Variants in ROCK1 observed in about 807,000 individuals in gnomAD.
ROCK1 encodes Rho associated coiled-coil containing protein kinase 1, also known as rho-associated protein kinase 1.
In ROCK1, 36 loss-of-function variants were observed where a neutral mutation model predicts 196.8. That is an observed-to-expected ratio of 0.18 (90% confidence interval 0.14 to 0.24). ROCK1 has a LOEUF of 0.24. Ranked by LOEUF, ROCK1 falls within the 10% of genes least tolerant of loss-of-function variation. The pLI, the probability that ROCK1 is intolerant of heterozygous loss-of-function variation, is 1.00. For missense variants in ROCK1, 920 were observed against 1,562.0 expected (o/e 0.59, Z 6.93); for synonymous variants, 443 against 515.9 (o/e 0.86, Z 1.91).
intron 16 of ROCK1, among the ~76,000 whole-genome samples, chr18:20,994,518 C>T (rs2035653785): frequency 6.6e-6 from 1 of 152,062 alleles, no homozygotes; most frequent in African/African-American, 2.4e-5. Context: ...GTCCCAGCTA[C>T]TTGGGAGACT....
chr18:21,040,660 G>A (rs1267290207), intron 8 of ROCK1, among the ~76,000 whole-genome samples: 5 of 152,086 alleles, frequency 3.3e-5, no homozygotes, highest in Non-Finnish European at 4.4e-5. Context: ...ATGGTTCTCC[G>A]GCACATGGTA....
chr18:20,951,600 T>C (rs1055482844), intron 32 of ROCK1, among the ~76,000 whole-genome samples: 3 of 152,242 alleles, frequency 2.0e-5, no homozygotes, highest in Non-Finnish European at 4.4e-5. Flanking sequence ...TAATCTCATT[T>C]CAAATCATTT....
At chr18:20,955,693 C>T (rs1432604788) in intron 29 of ROCK1, among the ~76,000 whole-genome samples, 1 of 147,448 alleles carries the variant, frequency 6.8e-6, no homozygotes, top group African/African-American at 2.5e-5. Context: ...TTCATAATAA[C>T]CAAAACCTAG....
intron 27 of ROCK1, among the ~76,000 whole-genome samples, chr18:20,962,516 T>C (rs1281959069): frequency 6.6e-6 from 1 of 152,164 alleles, no homozygotes; most frequent in African/African-American, 2.4e-5. Flanking sequence ...GTCAAAAATA[T>C]TTATGCTTTC....
intron 14 of ROCK1, 124 bp downstream of exon 14, chr18:21,007,935 G>A (rs2035782083): frequency 2.1e-6 from 1 of 467,420 alleles, no homozygotes; most frequent in Non-Finnish European, 3.4e-6. Context: ...TGAGACCTGG[G>A]TTATTTAGCT....
chr18:20,982,883 C>T (rs1234203935), intron 20 of ROCK1, 51 bp from the exon 21 acceptor site: 1 of 775,760 alleles, frequency 1.3e-6, no homozygotes, highest in African/African-American at 1.8e-5. Flanking sequence ...TTATACTAGA[C>T]TTCATTTTTT....
At chr18:21,089,663 C>T (rs1237674447) in intron 1 of ROCK1, among the ~76,000 whole-genome samples, 1 of 152,140 alleles carries the variant, frequency 6.6e-6, no homozygotes, top group East Asian at 1.9e-4. Context: ...TGTAGCCTAC[C>T]TTAAACATGT....
intron 18 of ROCK1, among the ~76,000 whole-genome samples, chr18:20,988,758 A>G (rs192586901): frequency 1.3e-5 from 2 of 152,316 alleles, no homozygotes; most frequent in Admixed American, 1.3e-4. Context: ...CAATCATATT[A>G]ATATGTATTT....
intron 9 of ROCK1, among the ~76,000 whole-genome samples, chr18:21,030,533 C>T (rs1259543865): frequency 2.0e-5 from 3 of 152,184 alleles, no homozygotes; most frequent in Non-Finnish European, 4.4e-5. Context: ...GATGGACCTA[C>T]TCTTTTTATA....
intron 22 of ROCK1, among the ~76,000 whole-genome samples, chr18:20,973,913 T>C (rs974204430): frequency 6.6e-6 from 1 of 151,496 alleles, no homozygotes; most frequent in African/African-American, 2.4e-5. Context: ...CCCGAGTAGC[T>C]GGGACTACAG....
At chr18:20,991,390 T>A (rs2143408219) in intron 17 of ROCK1, 64 bp from the exon 18 acceptor site, 1 of 1,070,278 alleles carries the variant, frequency 9.3e-7, no homozygotes, top group East Asian at 2.6e-5. Context: ...TAGTAAATCT[T>A]ACATTTAATA....
chr18:20,993,893 T>G (rs2035648042), intron 16 of ROCK1, among the ~76,000 whole-genome samples: 2 of 152,204 alleles, frequency 1.3e-5, no homozygotes, highest in South Asian at 4.1e-4. Context: ...TAATTCAAAG[T>G]GGCCTAGGAT....
At position 20,949,728 on chromosome 18, in the gene ROCK1, C is replaced by T. The variant is rs2035165001; in HGVS notation, c.*1656G>A. The T allele has an allele frequency of 6.6e-6, 1 of 152,470 alleles. No homozygotes were observed. The highest frequency in any genetic ancestry group is 2.4e-5 in the African/African-American group (1 of 41,442). 9.4% of individuals were successfully genotyped at this position (152,470 alleles called of 1,614,324 possible). On this transcript the variant is annotated 3_prime_UTR_variant, in exon 33 of 33. Coordinates refer to ENST00000399799, the MANE Select transcript of ROCK1 (RefSeq NM_005406.3). The stretch of plus-strand genomic sequence containing the variant: ...AACTATTCCCACTCTTGTTTTAGAG[C>T]CCAAGACCACGTTTTATCTTTTAAA...
At chr18:21,061,146 T>C (rs1405412795) in intron 2 of ROCK1, among the ~76,000 whole-genome samples, 1 of 151,804 alleles carries the variant, frequency 6.6e-6, no homozygotes, top group African/African-American at 2.4e-5. Flanking sequence ...TGGCGCAATC[T>C]TGGCTCACTG....
rs1598503008 is a variant in ROCK1 at position 20,949,402 on chromosome 18, A to C, written c.*1982T>G. On this transcript the variant is annotated 3_prime_UTR_variant, in exon 33 of 33. Coordinates refer to ENST00000399799, the MANE Select transcript of ROCK1 (RefSeq NM_005406.3). ...AAAAGCAGCATAAGTTTCACGTTCC[A>C]TCAGTTCCCTTTGCCCTCCAAGCCC... 1 of 152,494 alleles carries C rather than the reference A, an allele frequency of 6.6e-6. No individual in the cohort carries two copies. Among genetic ancestry groups the C allele is most frequent in the Non-Finnish European group, 1.5e-5 (1 of 68,224 alleles). The allele number at this position is 152,494 out of a possible 1,614,324, so 9.4% of individuals were successfully genotyped here.
rs776669840 is a variant in ROCK1 at position 21,008,203 on chromosome 18, A to G, written c.1411-9T>C. On this transcript the variant is annotated splice_polypyrimidine_tract_variant and intron_variant, in intron 13 of 32. Coordinates refer to ENST00000399799, the MANE Select transcript of ROCK1 (RefSeq NM_005406.3). Reference sequence around the variant, plus strand: ...TTTCTTCTTTGATTTCCCTGGAATTATAATGATAAAAGTTACCACTGTGAT... The same window carrying G: ...TTTCTTCTTTGATTTCCCTGGAATTGTAATGATAAAAGTTACCACTGTGAT... 8 of 1,568,542 alleles carry G rather than the reference A, an allele frequency of 5.1e-6. No homozygotes were observed. The highest frequency in any genetic ancestry group is 1.8e-5 in the Admixed American group (1 of 54,328).
intron 23 of ROCK1, among the ~76,000 whole-genome samples, chr18:20,969,742 T>C (rs753699721): frequency 3.0e-4 from 45 of 152,104 alleles, no homozygotes; most frequent in Non-Finnish European, 5.9e-4. Context: ...AGATGAGAAA[T>C]CTGAGGCTTA....
rs577902432 is a variant in ROCK1, at chr18:21,061,240, G to A, written c.175+9292C>T. ...ATTATAGGCACCTGCCACCATACCCGGCTAATTTTCGTATTTTTTAATACA... is the reference window on the plus strand; with the variant it reads ...ATTATAGGCACCTGCCACCATACCCAGCTAATTTTCGTATTTTTTAATACA... On this transcript the variant is annotated intron_variant, in intron 2 of 32. Transcript: ENST00000399799. Among the ~76,000 whole-genome samples the A allele has an allele frequency of 4.1e-4, 62 of 151,900 alleles. 2 individuals are homozygous for A. The East Asian group carries it at 0.011, about 27-fold the overall frequency.
intron 21 of ROCK1, among the ~76,000 whole-genome samples, chr18:20,981,733 C>G (rs190597775): frequency 6.6e-6 from 1 of 152,108 alleles, no homozygotes; most frequent in Admixed American, 6.6e-5. Context: ...CAAAAAAATA[C>G]ATAAATGTCC....
Sources: allele counts gnomAD v4.1 joint callset (sites outside exome capture counted in the v4.1 genomes callset), GRCh38; gene constraint gnomAD v4.1.1; transcripts MANE v1.5; gene names NCBI Gene and HGNC (gene_info 2026-07-23, HGNC 2026-07-21).